Variants in ATIC observed in about 807,000 individuals in gnomAD.
ATIC encodes the protein 5-aminoimidazole-4-carboxamide ribonucleotide formyltransferase/IMP cyclohydrolase.
ATIC carries 64 observed loss-of-function variants against 72.5 expected under a neutral mutation model. The ratio of observed to expected loss-of-function variants is 0.88; its 90% confidence interval spans 0.72 to 1.09. The LOEUF (loss-of-function observed/expected upper bound fraction) is 1.09, where lower values mean the gene tolerates loss of function less well. ATIC is among the 50% of genes least tolerant of loss of function. The probability of loss-of-function intolerance (pLI) is 0.00; values close to 1 mark genes in which losing one functional copy is unlikely to be tolerated. For missense variants in ATIC, 787 were observed against 732.4 expected (o/e 1.07, Z -0.86); for synonymous variants, 281 against 267.1 (o/e 1.05, Z -0.51).
the ATIC span, chr2:215,364,961 C>T: frequency 6.3e-7 from 1 of 1,580,240 alleles, no homozygotes. Flanking sequence ...GTATGTCTTC[C>T]CATCATCATA....
intron 3 of ATIC, among the ~76,000 whole-genome samples, chr2:215,319,238 A>T (rs1329546068): frequency 6.6e-6 from 1 of 152,134 alleles, no homozygotes; most frequent in Non-Finnish European, 1.5e-5. Flanking sequence ...CATGTTTGAT[A>T]TTCTTTAATT....
rs1280783294 is a variant in ATIC, at chr2:215,329,549, G to A, written c.688+2571G>A. ...TATTACAGAGTGTATGGTTGCGATT[G>A]TATCTAAAACAAAATTGAAGCAAGA... On this transcript the variant is annotated intron_variant, in intron 7 of 15. Coordinates refer to ENST00000236959, the MANE Select transcript of ATIC (RefSeq NM_004044.7). 4.6e-5 allele frequency among the ~76,000 whole-genome samples: 7 copies of A among 152,120 alleles called. No homozygotes were observed. In the East Asian group the frequency reaches 1.4e-3, roughly 29 times the overall value.
chr2:215,324,626 C>T (rs1043621582), intron 4 of ATIC, among the ~76,000 whole-genome samples: 3 of 152,118 alleles, frequency 2.0e-5, no homozygotes, highest in Non-Finnish European at 2.9e-5. Context: ...TTGGAGCCTG[C>T]CCGTAGAGCT....
rs1323403303 is a variant in ATIC, at chr2:215,337,748, G to A, written c.1099-1031G>A. On this transcript the variant is annotated intron_variant, in intron 11 of 15. Coordinates refer to ENST00000236959, the MANE Select transcript of ATIC (RefSeq NM_004044.7). ...TAACAACCATTAGCATTTTCTTGTAGCATCATGGAAAATATTTTCCAAAAC... is the reference window on the plus strand; with the variant it reads ...TAACAACCATTAGCATTTTCTTGTAACATCATGGAAAATATTTTCCAAAAC... 4.6e-5 allele frequency among the ~76,000 whole-genome samples: 7 copies of A among 152,218 alleles called. No individual in the cohort carries two copies. In the East Asian group the frequency reaches 1.2e-3, roughly 25 times the overall value.
the ATIC span, chr2:215,364,725 A>G: frequency 1.5e-6 from 1 of 677,832 alleles, no homozygotes; most frequent in East Asian, 2.7e-5. Flanking sequence ...GAGCTGCTCT[A>G]GAGCTCTATG....
At position 215,333,383 on chromosome 2, in the gene ATIC, A is replaced by C. The variant is rs769666403; in HGVS notation, c.848A>C (p.Glu283Ala). The change falls in exon 9 of 16, where the codon GAG (glutamate) becomes GCG (alanine). Residue 283 changes from glutamate (E) to alanine (A), a missense_variant. By Grantham distance (107) the Glu-to-Ala change is moderately radical. Transcript: ENST00000236959. Reference protein sequence around the residue: ...AAVGIPLSEDEAKVCMVYDLY... With the variant: ...AAVGIPLSEDAAKVCMVYDLY... ...GTTGGAATTCCACTCAGTGAAGATG[A>C]GGCCAAAGTCTGCATGGTTTATGAT... 2 of 1,614,194 alleles carry C rather than the reference A, an allele frequency of 1.2e-6. No individual in the cohort carries two copies. The highest frequency in any genetic ancestry group is 1.1e-5 in the South Asian group (1 of 91,090).
At chr2:215,327,087 C>A in intron 7 of ATIC, 109 bp downstream of exon 7, 1 of 1,519,466 alleles carries the variant, frequency 6.6e-7, no homozygotes. Flanking sequence ...TTCCGTAATG[C>A]CTCCTGTAGC....
chr2:215,343,243 T>A (rs537976956), intron 12 of ATIC, among the ~76,000 whole-genome samples: 1 of 152,250 alleles, frequency 6.6e-6, no homozygotes, highest in African/African-American at 2.4e-5. Context: ...ATGTTGAACA[T>A]TTTTTTGTGT....
intron 7 of ATIC, among the ~76,000 whole-genome samples, chr2:215,330,375 T>TA (rs2052877813): frequency 6.6e-6 from 1 of 152,200 alleles, no homozygotes; most frequent in African/African-American, 2.4e-5. Flanking sequence ...TTAGAGTAGT[T>TA]ACAGGTTTAC....
Position 215,312,167 on chromosome 2 carries a change from GC to G in ATIC, c.19+9del. The G allele has an allele frequency of 6.6e-7, 1 of 1,507,836 alleles. No individual in the cohort carries two copies. Among genetic ancestry groups the G allele is most frequent in the Non-Finnish European group, 8.8e-7 (1 of 1,135,942 alleles). The allele number at this position is 1,507,836 out of a possible 1,614,324, so 93.4% of individuals were successfully genotyped here. A position where few individuals can be genotyped will look rare whatever the true frequency, so the allele number is the denominator to read the frequency against. ...CATGGCTCCCGGCCAGCTCGGTGAG[GC>G]CCTAGCGGAGCGGCGCGGTCTGCGT... is the stretch of plus-strand genomic sequence containing the variant. On this transcript the variant is annotated splice_region_variant and intron_variant, in intron 1 of 15. Coordinates refer to ENST00000236959, the MANE Select transcript of ATIC (RefSeq NM_004044.7).
At position 215,312,486 on chromosome 2, in the gene ATIC, C is replaced by G. The variant is rs547750130; in HGVS notation, c.20-12C>G. On this transcript the variant is annotated splice_polypyrimidine_tract_variant and intron_variant, in intron 1 of 15. Transcript: ENST00000236959. ...TGCTGCGAATCATGAGAAAAAATGT[C>G]TTCTCTTTCAGCCTTATTTAGTGTC... 9 of 1,614,218 alleles carry G rather than the reference C, an allele frequency of 5.6e-6. No homozygotes were observed. In the Admixed American group the frequency reaches 1.3e-4, roughly 24 times the overall value.
chr2:215,362,168 A>G, the ATIC span: 2 of 954,810 alleles, frequency 2.1e-6, no homozygotes, highest in African/African-American at 3.2e-5. Context: ...AAAATGTCAC[A>G]TCATATGCAC....
downstream of ATIC, among the ~76,000 whole-genome samples, chr2:215,353,121 T>C (rs966861415): frequency 2.6e-5 from 4 of 152,238 alleles, no homozygotes; most frequent in African/African-American, 9.6e-5. Context: ...AAAGTTATTA[T>C]TGCTTTTGGT....
At chr2:215,340,547 T>C (rs1331390786) in intron 12 of ATIC, among the ~76,000 whole-genome samples, 2 of 152,126 alleles carry the variant, frequency 1.3e-5, no homozygotes, top group Non-Finnish European at 2.9e-5. Context: ...TGTAGCGATA[T>C]TTTGAGGGCT....
rs373747093 is a variant in ATIC at position 215,349,231 on chromosome 2, C to T, written c.1641C>T (p.Asn547=). ...SSDAFFPFRD[N]VDRAKRSGVA... ...ATGCCTTCTTCCCTTTCCGAGATAA[C>T]GTAGACAGAGCTAAAAGGGTAAGTA... is the stretch of plus-strand genomic sequence containing the variant. The change falls in exon 15 of 16, where the codon AAC becomes AAT. Residue 547 remains asparagine, a synonymous_variant. Transcript: ENST00000236959. The T allele has an allele frequency of 2.1e-4, 331 of 1,613,974 alleles. 1 individual carries two copies. Among genetic ancestry groups the T allele is most frequent in the South Asian group, 1.2e-4 (11 of 91,078 alleles).
chr2:215,344,977 C>T, intron 13 of ATIC, 106 bp downstream of exon 13: 1 of 1,198,268 alleles, frequency 8.3e-7, no homozygotes, highest in South Asian at 1.3e-5. Context: ...GAATATTTGC[C>T]AAATGTTTGT....
intron 11 of ATIC, among the ~76,000 whole-genome samples, chr2:215,337,915 A>T (rs1243197542): frequency 6.6e-6 from 1 of 152,228 alleles, no homozygotes; most frequent in Admixed American, 6.5e-5. Flanking sequence ...GAGACAACTT[A>T]TCCCTCTACC....
chr2:215,317,451 A>C (rs903257478), intron 2 of ATIC, among the ~76,000 whole-genome samples: 2 of 151,970 alleles, frequency 1.3e-5, no homozygotes, highest in African/African-American at 4.8e-5. Flanking sequence ...ACAGTCTTTT[A>C]TGTCTTCACT....
At chr2:215,344,369 G>A (rs565763668) in intron 12 of ATIC, among the ~76,000 whole-genome samples, 85 of 152,092 alleles carry the variant, frequency 5.6e-4, no homozygotes, top group Non-Finnish European at 9.4e-4. Context: ...TATGTTGTAG[G>A]TCTTTTACAT....
Sources: gnomAD v4.1 joint callset for allele counts (sites outside exome capture counted in the v4.1 genomes callset) on GRCh38, gnomAD v4.1.1 for gene constraint, MANE v1.5 for transcripts, NCBI Gene and HGNC (gene_info 2026-07-23, HGNC 2026-07-21) for gene names.